The following CAMTA1 variants were observed in gnomAD, a reference collection of about 807,000 sequenced individuals.
CAMTA1 encodes calmodulin binding transcription activator 1.
Under a neutral mutation model 170.9 loss-of-function variants are expected in CAMTA1, and 27 were observed. The ratio of observed to expected loss-of-function variants is 0.16; its 90% CI spans 0.12 to 0.22. The LOEUF (loss-of-function observed/expected upper bound fraction) is 0.22. CAMTA1 is among the 10% of genes least tolerant of loss of function. The pLI is 1.00. For synonymous variants in CAMTA1, 833 were observed against 891.5 expected (o/e 0.93, Z 1.17); for missense variants, 1,619 against 2,217.2 (o/e 0.73, Z 5.42).
intron 5 of CAMTA1, among the ~76,000 whole-genome samples, chr1:7,308,251 T>C (rs1034339838): frequency 4.3e-4 from 11 of 25,502 alleles, no homozygotes; most frequent in African/African-American, 3.2e-3. Context: ...CTTTTTCCTT[T>C]GTTAGTCTTG....
At chr1:7,239,635 A>ATT (rs34166595) in intron 4 of CAMTA1, among the ~76,000 whole-genome samples, 13 of 103,946 alleles carry the variant, frequency 1.3e-4, no homozygotes, top group Middle Eastern at 5.7e-3. Flanking sequence ...TTCAAGGTCA[A>ATT]TTTTTTTTTT....
chr1:7,656,301 G>T (rs1344475950), intron 7 of CAMTA1, among the ~76,000 whole-genome samples: 1 of 152,204 alleles, frequency 6.6e-6, no homozygotes, highest in African/African-American at 2.4e-5. Flanking sequence ...CATTGGGGTT[G>T]GTTTCTGGTA....
intron 3 of CAMTA1, among the ~76,000 whole-genome samples, chr1:6,940,258 G>A (rs899997842): frequency 6.6e-6 from 1 of 152,230 alleles, no homozygotes; most frequent in Non-Finnish European, 1.5e-5. Flanking sequence ...GGAAACCCAG[G>A]AGAGCTGGTT....
At chr1:7,307,534 T>A (rs1305079869) in intron 5 of CAMTA1, among the ~76,000 whole-genome samples, 1 of 152,044 alleles carries the variant, frequency 6.6e-6, no homozygotes, top group Non-Finnish European at 1.5e-5. Flanking sequence ...AGGGAAAACA[T>A]TCAAGTCTTT....
chr1:7,379,632 G>A (rs978545683), intron 5 of CAMTA1, among the ~76,000 whole-genome samples: 3 of 152,158 alleles, frequency 2.0e-5, no homozygotes, highest in Non-Finnish European at 4.4e-5. Flanking sequence ...CGTCCTCATC[G>A]GGGCATTCTG....
At chr1:7,737,119 C>A in intron 14 of CAMTA1, 110 bp downstream of exon 14, 1 of 1,327,880 alleles carries the variant, frequency 7.5e-7, no homozygotes, top group Non-Finnish European at 1.1e-6. Flanking sequence ...TTCGGAGATA[C>A]TTTGGGATGG....
intron 5 of CAMTA1, among the ~76,000 whole-genome samples, chr1:7,424,382 T>A (rs1424794689): frequency 2.0e-5 from 3 of 151,754 alleles, no homozygotes; most frequent in Non-Finnish European, 4.4e-5. Context: ...AATATCATTT[T>A]GTATTGCGTG....
At chr1:7,111,885 CAAAAAAAAAAAA>C (rs66460647) in intron 4 of CAMTA1, among the ~76,000 whole-genome samples, 14 of 75,664 alleles carry the variant, frequency 1.9e-4, no homozygotes, top group Non-Finnish European at 2.7e-4. Context: ...ACTCCATCTC[CAAAAAAAAAAAA>C]AAAAAAAAAA....
intron 5 of CAMTA1, among the ~76,000 whole-genome samples, chr1:7,318,120 A>G (rs11120900): frequency 0.34 from 52,415 of 152,192 alleles, 11,573 homozygotes; most frequent in East Asian, 0.85. Context: ...GTGCAGAAGC[A>G]GGGAGGCCCC....
chr1:6,803,589 G>C (rs1467662191), intron 1 of CAMTA1, among the ~76,000 whole-genome samples: 1 of 152,198 alleles, frequency 6.6e-6, no homozygotes, highest in African/African-American at 2.4e-5. Context: ...TCATAGTGTT[G>C]ACCTTGAGTA....
intron 9 of CAMTA1, among the ~76,000 whole-genome samples, chr1:7,669,966 C>A (rs1198132590): frequency 3.3e-5 from 5 of 152,216 alleles, no homozygotes; most frequent in African/African-American, 1.2e-4. Flanking sequence ...TGAGGCCACC[C>A]TCCTCCTCCA....
rs568542146 is a variant in CAMTA1, at chr1:7,016,686, T to TA, written c.235-74618_235-74617insA. On this transcript the variant is annotated intron_variant, in intron 3 of 22. Transcript: ENST00000303635. ...CCATCTCTACCAACAATACAAAAAA[T>TA]TAGCCTTGCGTGGTGGCAGACACCT... Among the ~76,000 whole-genome samples, 5 of 152,146 alleles carry TA rather than the reference T, an allele frequency of 3.3e-5. No individual in the cohort carries two copies. The South Asian group carries it at 1.0e-3, about 32-fold the overall frequency.
chr1:6,977,018 C>T (rs1462291860), intron 3 of CAMTA1, among the ~76,000 whole-genome samples: 1 of 152,200 alleles, frequency 6.6e-6, no homozygotes, highest in East Asian at 1.9e-4. Flanking sequence ...GATTGTGAGG[C>T]CTCCCTAGCC....
At chr1:7,291,724 G>T (rs140394224) in intron 5 of CAMTA1, among the ~76,000 whole-genome samples, 1 of 152,374 alleles carries the variant, frequency 6.6e-6, no homozygotes, top group Non-Finnish European at 1.5e-5. Flanking sequence ...TGGGTGGCCA[G>T]TGAGAACTGG....
rs559563341 is a variant in CAMTA1 at position 7,737,593 on chromosome 1, T to A, written c.3658+23T>A. On this transcript the variant is annotated intron_variant, in intron 15 of 22. Coordinates refer to ENST00000303635, the MANE Select transcript of CAMTA1 (RefSeq NM_015215.4). Reference sequence around the variant, plus strand: ...CAGGTAAGAATTCAGAATCATGACATCTCAGAGCTTGACAGAGATCCCGTT... The same window carrying A: ...CAGGTAAGAATTCAGAATCATGACAACTCAGAGCTTGACAGAGATCCCGTT... 24 of 1,579,768 alleles carry A rather than the reference T, an allele frequency of 1.5e-5. No individual in the cohort carries two copies. In the South Asian group the frequency reaches 2.7e-4, roughly 18 times the overall value.
rs1042870838 is a variant in CAMTA1, at chr1:7,674,310, C to A, written c.2779+3273C>A. ...GGGTGCTTCAGGGGCAGGAGGGAGC[C>A]CACCAAGTTAGGGCAGTGAGCTGAG... On this transcript the variant is annotated intron_variant, in intron 10 of 22. Coordinates refer to ENST00000303635, the MANE Select transcript of CAMTA1 (RefSeq NM_015215.4). The surrounding 1 kb of genome is among the most constrained non-coding windows in gnomAD (Gnocchi z 4.1). 1.3e-5 allele frequency among the ~76,000 whole-genome samples: 2 copies of A among 151,634 alleles called. No individual in the cohort carries two copies. Among genetic ancestry groups the A allele is most frequent in the Non-Finnish European group, 2.9e-5 (2 of 67,934 alleles).
At position 6,945,625 on chromosome 1, in the gene CAMTA1, C is replaced by T. The variant is rs966078242; in HGVS notation, c.234+120415C>T. Among the ~76,000 whole-genome samples, 6 of 152,190 alleles carry T rather than the reference C, an allele frequency of 3.9e-5. No homozygotes were observed. In the East Asian group the frequency reaches 7.7e-4, roughly 20 times the overall value. ...CGCCTCCAAGTGCAGGGATTACAGG[C>T]GTGAACCACTGTACCCAGCCACCCT... On this transcript the variant is annotated intron_variant, in intron 3 of 22. Coordinates refer to ENST00000303635, the MANE Select transcript of CAMTA1 (RefSeq NM_015215.4).
intron 6 of CAMTA1, among the ~76,000 whole-genome samples, chr1:7,548,706 T>C (rs1318558829): frequency 1.2e-5 from 1 of 81,914 alleles, no homozygotes; most frequent in Non-Finnish European, 2.7e-5. Flanking sequence ...GGGGTGGAGG[T>C]GCCCATGGAG....
chr1:6,797,979 T>G (rs1642932301), intron 1 of CAMTA1, among the ~76,000 whole-genome samples: 1 of 150,854 alleles, frequency 6.6e-6, no homozygotes, highest in African/African-American at 2.4e-5. Flanking sequence ...TATTTGCAAG[T>G]GATAATGAAG....
Sources: gnomAD v4.1 joint callset for allele counts (sites outside exome capture counted in the v4.1 genomes callset) on GRCh38, gnomAD v4.1.1 for gene constraint, Gnocchi (gnomAD v3.1) non-coding constraint, MANE v1.5 for transcripts, NCBI Gene and HGNC (gene_info 2026-07-23, HGNC 2026-07-21) for gene names.